The following KAZN variants were observed in gnomAD, a reference collection of about 807,000 sequenced individuals.
KAZN encodes the protein kazrin, periplakin interacting protein.
A neutral mutation model predicts 87.4 loss-of-function variants in KAZN; 40 were observed. That is an observed-to-expected ratio of 0.46 (90% CI 0.36 to 0.60). The LOEUF (loss-of-function observed/expected upper bound fraction) is 0.60. KAZN is among the 20% of genes least tolerant of loss of function. KAZN has a pLI of 0.00. For synonymous variants in KAZN, 466 were observed against 458.3 expected (o/e 1.02, Z -0.22); for missense variants, 898 against 1,073.9 (o/e 0.84, Z 2.29).
intron 2 of KAZN, among the ~76,000 whole-genome samples, chr1:14,553,434 C>T (rs75930488): frequency 5.3e-5 from 8 of 152,266 alleles, no homozygotes; most frequent in Middle Eastern, 3.4e-3. Context: ...AACCATGTTC[C>T]GCCCCATGCA....
chr1:14,108,324 A>G (rs1644424743), intron 1 of KAZN, among the ~76,000 whole-genome samples: 1 of 152,178 alleles, frequency 6.6e-6, no homozygotes. Flanking sequence ...ATAGAAGAGT[A>G]TAGCTCCCTG....
intron 2 of KAZN, among the ~76,000 whole-genome samples, chr1:14,270,505 T>C (rs1270036242): frequency 6.6e-6 from 1 of 152,188 alleles, no homozygotes; most frequent in Admixed American, 6.5e-5. Context: ...ATCTACTGCA[T>C]TGGATTACTG....
intron 1 of KAZN, among the ~76,000 whole-genome samples, chr1:14,610,920 G>A (rs1389139543): frequency 1.3e-5 from 2 of 152,112 alleles, no homozygotes; most frequent in Non-Finnish European, 1.5e-5. Context: ...AAAATATGTT[G>A]GTTTGAATTC....
chr1:14,339,835 T>A (rs1018430506), intron 2 of KAZN, among the ~76,000 whole-genome samples: 1 of 152,222 alleles, frequency 6.6e-6, no homozygotes, highest in Admixed American at 6.5e-5. Flanking sequence ...AAATTAACTA[T>A]CACAAGTAGC....
intron 1 of KAZN, among the ~76,000 whole-genome samples, chr1:14,019,590 A>G (rs536336213): frequency 1.2e-4 from 18 of 152,320 alleles, no homozygotes; most frequent in African/African-American, 4.3e-4. Context: ...GATATTGCCA[A>G]GAACACATCT....
intron 1 of KAZN, among the ~76,000 whole-genome samples, chr1:14,650,032 CTTTTTTTTTTTT>C (rs34399319): frequency 9.1e-5 from 8 of 88,346 alleles, no homozygotes; most frequent in African/African-American, 2.0e-4. Context: ...CTCCACCCAT[CTTTTTTTTTTTT>C]TTTTTTTTTT....
At chr1:14,603,671 A>G (rs925063834) in intron 1 of KAZN, among the ~76,000 whole-genome samples, 8 of 152,174 alleles carry the variant, frequency 5.3e-5, no homozygotes, top group Non-Finnish European at 1.5e-5. Flanking sequence ...GACCTGACTC[A>G]TCTAACAGGA....
rs148486729 is a variant in KAZN, at chr1:14,504,070, G to A, written c.250-94913G>A. Reference sequence around the variant, plus strand: ...CCTCCTTAAATGTCGTGCCCTAGTCGCTTTGATTGACTCACTCTAATCCAG... The same window carrying A: ...CCTCCTTAAATGTCGTGCCCTAGTCACTTTGATTGACTCACTCTAATCCAG... On this transcript the variant is annotated intron_variant, in intron 2 of 16. Coordinates refer to the KAZN transcript ENST00000636203. Among the ~76,000 whole-genome samples the A allele has an allele frequency of 1.4e-4, 22 of 152,264 alleles. No individual in the cohort carries two copies. In the East Asian group the frequency reaches 3.5e-3, roughly 24 times the overall value.
At chr1:14,181,813 TGAAAG>T (rs1646204646) in intron 2 of KAZN, among the ~76,000 whole-genome samples, 1 of 152,224 alleles carries the variant, frequency 6.6e-6, no homozygotes, top group Non-Finnish European at 1.5e-5. Flanking sequence ...AAATTGTTCT[TGAAAG>T]GATTAGCTTT....
intron 1 of KAZN, among the ~76,000 whole-genome samples, chr1:14,105,133 A>T (rs1644339939): frequency 6.6e-6 from 1 of 152,224 alleles, no homozygotes; most frequent in African/African-American, 2.4e-5. Flanking sequence ...GAAGACACAG[A>T]TTCTGCTATC....
At chr1:14,140,532 C>A (rs1645212798) in intron 1 of KAZN, among the ~76,000 whole-genome samples, 3 of 152,064 alleles carry the variant, frequency 2.0e-5, no homozygotes, top group Non-Finnish European at 4.4e-5. Flanking sequence ...GGCCTTCCCA[C>A]CCCCCTTTTC....
At chr1:14,623,595 C>T (rs1678882170) in intron 1 of KAZN, among the ~76,000 whole-genome samples, 1 of 152,184 alleles carries the variant, frequency 6.6e-6, no homozygotes, top group South Asian at 2.1e-4. Flanking sequence ...GATAACAAGC[C>T]TGCACATGTA....
chr1:14,960,982 A>T (rs1447413302), intron 2 of KAZN, 107 bp downstream of exon 2: 4 of 1,177,846 alleles, frequency 3.4e-6, no homozygotes, highest in Non-Finnish European at 4.7e-6. Flanking sequence ...GGGGTCTCCC[A>T]GCACCCACCT....
chr1:14,438,919 T>C (rs1361888885), intron 2 of KAZN, among the ~76,000 whole-genome samples: 1 of 152,184 alleles, frequency 6.6e-6, no homozygotes, highest in African/African-American at 2.4e-5. Context: ...CTTCCACCTC[T>C]TCTAACAGGT....
intron 1 of KAZN, among the ~76,000 whole-genome samples, chr1:14,046,889 T>A (rs1028297657): frequency 6.6e-6 from 1 of 152,180 alleles, no homozygotes; most frequent in Non-Finnish European, 1.5e-5. Context: ...TTTGGCAGAA[T>A]TTTCATCCCT....
intron 2 of KAZN, among the ~76,000 whole-genome samples, chr1:14,452,860 CAT>C (rs1334323111): frequency 6.6e-6 from 1 of 152,152 alleles, no homozygotes; most frequent in African/African-American, 2.4e-5. Flanking sequence ...GACTCAAATG[CAT>C]ACAGGAGCCA....
chr1:15,065,533 C>T, intron 7 of KAZN, 97 bp from the exon 8 acceptor site: 1 of 1,089,708 alleles, frequency 9.2e-7, no homozygotes, highest in Non-Finnish European at 1.3e-6. Context: ...GAGAGGCCTT[C>T]CCCACCCCGG....
At chr1:14,150,506 T>C (rs1287809192) in intron 1 of KAZN, among the ~76,000 whole-genome samples, 2 of 152,252 alleles carry the variant, frequency 1.3e-5, no homozygotes, top group Non-Finnish European at 2.9e-5. Flanking sequence ...ATCTGTACTT[T>C]CAAAGCTGTG....
At chr1:14,311,474 G>A (rs780434764) in intron 2 of KAZN, among the ~76,000 whole-genome samples, 9 of 152,078 alleles carry the variant, frequency 5.9e-5, no homozygotes, top group Non-Finnish European at 1.2e-4. Context: ...TGGACCTTAC[G>A]GGGCTATAGA....
Sources: allele counts gnomAD v4.1 joint callset (sites outside exome capture counted in the v4.1 genomes callset), GRCh38; gene constraint gnomAD v4.1.1; transcripts MANE v1.5; gene names NCBI Gene and HGNC (gene_info 2026-07-23, HGNC 2026-07-21).